MDGA2: variants seen among roughly 807,000 people sequenced by gnomAD.
The protein encoded by MDGA2 is MAM domain-containing glycosylphosphatidylinositol anchor protein 2.
MDGA2 carries 40 observed loss-of-function variants against 117.8 expected under a neutral mutation model. That is an observed-to-expected ratio of 0.34 (90% confidence interval 0.26 to 0.44). The LOEUF (loss-of-function observed/expected upper bound fraction) is 0.44. Ranked by LOEUF, MDGA2 falls within the 20% of genes least tolerant of loss-of-function variation. MDGA2 has a pLI of 1.00. For synonymous variants in MDGA2, 452 were observed against 439.0 expected (o/e 1.03, Z -0.37); for missense variants, 1,123 against 1,250.6 (o/e 0.90, Z 1.54).
intron 12 of MDGA2, among the ~76,000 whole-genome samples, chr14:46,876,650 T>C (rs1481332760): frequency 6.6e-6 from 1 of 151,486 alleles, no homozygotes; most frequent in African/African-American, 2.4e-5. Flanking sequence ...AATTTTGCTT[T>C]ATTTGGTCTG....
intron 1 of MDGA2, among the ~76,000 whole-genome samples, chr14:47,400,303 A>G (rs1044714359): frequency 2.0e-5 from 3 of 152,246 alleles, no homozygotes; most frequent in Admixed American, 2.0e-4. Context: ...TGTACATTCA[A>G]TGTTTAATTC....
intron 1 of MDGA2, among the ~76,000 whole-genome samples, chr14:47,398,258 A>G (rs1435829786): frequency 6.6e-6 from 1 of 152,174 alleles, no homozygotes; most frequent in Non-Finnish European, 1.5e-5. Flanking sequence ...AACTCAAAAA[A>G]TACTGAAGTA....
At chr14:46,874,991 G>T (rs1397686833) in intron 12 of MDGA2, among the ~76,000 whole-genome samples, 1 of 151,186 alleles carries the variant, frequency 6.6e-6, no homozygotes, top group Non-Finnish European at 1.5e-5. Flanking sequence ...AGGTCCACTA[G>T]ACACATTATT....
At chr14:46,856,005 A>G (rs983226082) in intron 14 of MDGA2, among the ~76,000 whole-genome samples, 5 of 152,168 alleles carry the variant, frequency 3.3e-5, no homozygotes, top group Admixed American at 2.6e-4. Context: ...ATTAATGATG[A>G]TAATGATATT....
chr14:47,459,474 T>C (rs980711971), intron 1 of MDGA2, among the ~76,000 whole-genome samples: 6 of 151,840 alleles, frequency 4.0e-5, no homozygotes, highest in Non-Finnish European at 7.4e-5. Context: ...CATCTTTTCC[T>C]TTCCCTTCCT....
At chr14:47,076,940 T>C (rs940042295) in intron 6 of MDGA2, among the ~76,000 whole-genome samples, 9 of 152,138 alleles carry the variant, frequency 5.9e-5, no homozygotes, top group African/African-American at 2.2e-4. Flanking sequence ...ATCCTGCACA[T>C]TTCTACTCAC....
intron 9 of MDGA2, among the ~76,000 whole-genome samples, chr14:46,930,361 A>G (rs1241057339): frequency 6.6e-6 from 1 of 152,136 alleles, no homozygotes; most frequent in Non-Finnish European, 1.5e-5. Context: ...TAAAAGCCAA[A>G]TTACTCTCAT....
At chr14:46,872,697 T>A (rs2138361745) in intron 14 of MDGA2, among the ~76,000 whole-genome samples, 1 of 152,110 alleles carries the variant, frequency 6.6e-6, no homozygotes, top group East Asian at 1.9e-4. Flanking sequence ...AGGTTATATA[T>A]CAGGCTAACA....
intron 1 of MDGA2, among the ~76,000 whole-genome samples, chr14:47,590,347 T>C (rs1896413369): frequency 6.6e-6 from 1 of 151,764 alleles, no homozygotes; most frequent in African/African-American, 2.4e-5. Flanking sequence ...TTATCACTTA[T>C]TAGTAGAAAT....
intron 3 of MDGA2, among the ~76,000 whole-genome samples, chr14:47,188,371 T>C (rs1884988544): frequency 6.6e-6 from 1 of 152,220 alleles, no homozygotes; most frequent in Non-Finnish European, 1.5e-5. Flanking sequence ...GTTACTATGT[T>C]GTGTGCTGCC....
intron 1 of MDGA2, among the ~76,000 whole-genome samples, chr14:47,364,263 T>A (rs1209239907): frequency 6.6e-6 from 1 of 152,138 alleles, no homozygotes; most frequent in Non-Finnish European, 1.5e-5. Context: ...AGAATTATAT[T>A]ATATTTATTT....
At chr14:47,284,279 C>A (rs1222177946) in intron 2 of MDGA2, among the ~76,000 whole-genome samples, 1 of 152,092 alleles carries the variant, frequency 6.6e-6, no homozygotes, top group Non-Finnish European at 1.5e-5. Context: ...ATTGTTAACA[C>A]ATCTCTGGGA....
At chr14:47,376,124 G>A (rs1387470581) in intron 1 of MDGA2, among the ~76,000 whole-genome samples, 6 of 152,030 alleles carry the variant, frequency 3.9e-5, no homozygotes, top group Non-Finnish European at 8.8e-5. Context: ...TTATTTCAAT[G>A]TCTCTGTCCC....
At chr14:46,928,453 CTCT>C (rs1884414687) in intron 9 of MDGA2, among the ~76,000 whole-genome samples, 2 of 152,016 alleles carry the variant, frequency 1.3e-5, no homozygotes, top group African/African-American at 4.8e-5. Flanking sequence ...TTTAGATTGC[CTCT>C]TCTTTGTAAC....
chr14:47,656,750 T>A (rs117828355), intron 1 of MDGA2, among the ~76,000 whole-genome samples: 1 of 152,100 alleles, frequency 6.6e-6, no homozygotes, highest in Non-Finnish European at 1.5e-5. Context: ...ATGTGGCAGA[T>A]TGTATTCTTT....
chr14:47,607,638 G>A, intron 1 of MDGA2, among the ~76,000 whole-genome samples: 1 of 152,074 alleles, frequency 6.6e-6, no homozygotes, highest in Non-Finnish European at 1.5e-5. Flanking sequence ...GGGTTAGAGG[G>A]TCCTTGCAAG....
chr14:46,934,944 C>T (rs992003738), intron 9 of MDGA2, among the ~76,000 whole-genome samples: 2 of 151,876 alleles, frequency 1.3e-5, no homozygotes, highest in East Asian at 1.9e-4. Flanking sequence ...GTCAATTTTG[C>T]GATTCTCTTT....
rs1208212435 is a variant in MDGA2, at chr14:47,205,540, CAAA to C, written c.595+12478_595+12480del. The stretch of plus-strand genomic sequence containing the variant: ...TTCCTTCTATACTACAAAAAACACT[CAAA>C]AATCTTCATTCTAGATGATTTCTGC... On this transcript the variant is annotated intron_variant, in intron 3 of 16. Coordinates refer to ENST00000399232, the MANE Select transcript of MDGA2 (RefSeq NM_001113498.3). 2.0e-5 allele frequency among the ~76,000 whole-genome samples: 3 copies of C among 151,922 alleles called. No homozygotes were observed. In the East Asian group the frequency reaches 5.8e-4, roughly 29 times the overall value.
At chr14:47,628,739 T>C (rs1448053361) in intron 1 of MDGA2, among the ~76,000 whole-genome samples, 1 of 152,202 alleles carries the variant, frequency 6.6e-6, no homozygotes, top group African/African-American at 2.4e-5. Flanking sequence ...CCAGCCAGAC[T>C]CCCCTTCAAG....
Sources: gnomAD v4.1 joint callset for allele counts (sites outside exome capture counted in the v4.1 genomes callset) on GRCh38, gnomAD v4.1.1 for gene constraint, MANE v1.5 for transcripts, NCBI Gene and HGNC (gene_info 2026-07-23, HGNC 2026-07-21) for gene names.